The following ARHGAP6 variants were observed in gnomAD, a reference collection of about 807,000 sequenced individuals.
The protein encoded by ARHGAP6 is rho GTPase-activating protein 6.
Under a neutral mutation model 55.7 loss-of-function variants are expected in ARHGAP6, and 16 were observed. The observed-to-expected ratio is 0.29, with a 90% confidence interval of 0.19 to 0.44. The LOEUF (loss-of-function observed/expected upper bound fraction) is 0.44. ARHGAP6 is among the 20% of genes least tolerant of loss of function. The pLI is 1.00. For synonymous variants in ARHGAP6, 382 were observed against 360.9 expected, an observed-to-expected ratio of 1.06 and a Z score of -0.66; for missense variants, 698 against 808.9, an observed-to-expected ratio of 0.86 and a Z score of 1.66.
intron 1 of ARHGAP6, among the ~76,000 whole-genome samples, chrX:11,483,258 G>T (rs767267904): frequency 2.7e-5 from 3 of 111,888 alleles, no homozygotes; most frequent in Non-Finnish European, 5.6e-5. Context: ...TTCAGGAAAA[G>T]CTGTCCCTTC....
intron 1 of ARHGAP6, among the ~76,000 whole-genome samples, chrX:11,531,830 G>A (rs1030007103): frequency 2.7e-5 from 3 of 112,336 alleles, no homozygotes; most frequent in South Asian, 3.7e-4. Flanking sequence ...ATGAAGAAAC[G>A]TGGTTTCTCT....
intron 1 of ARHGAP6, among the ~76,000 whole-genome samples, chrX:11,332,912 G>C (rs911572530): frequency 2.7e-5 from 3 of 111,621 alleles, no homozygotes; most frequent in Non-Finnish European, 5.6e-5. Context: ...GATTCCTCTT[G>C]CTACCCCTTT....
chrX:11,466,436 A>C (rs373845463), intron 1 of ARHGAP6, among the ~76,000 whole-genome samples: 6 of 111,127 alleles, frequency 5.4e-5, no homozygotes, highest in African/African-American at 1.6e-4. Flanking sequence ...AAAAAAAAAA[A>C]AACTATTACC....
chrX:11,610,702 A>G (rs900403778), intron 1 of ARHGAP6, among the ~76,000 whole-genome samples: 2 of 112,551 alleles, frequency 1.8e-5, no homozygotes, highest in African/African-American at 6.5e-5. Context: ...TACATATGAT[A>G]AAATTCAGAG....
At chrX:11,597,616 A>C (rs2051917430) in intron 1 of ARHGAP6, among the ~76,000 whole-genome samples, 1 of 112,101 alleles carries the variant, frequency 8.9e-6, no homozygotes, top group Admixed American at 9.5e-5. Flanking sequence ...TATCACTGTT[A>C]ATATAAAAAG....
intron 1 of ARHGAP6, among the ~76,000 whole-genome samples, chrX:11,646,017 A>G (rs997381019): frequency 1.1e-5 from 1 of 91,702 alleles, no homozygotes; most frequent in African/African-American, 3.5e-5. Context: ...GTGAGGTTTG[A>G]CTCACAGTTC....
intron 1 of ARHGAP6, among the ~76,000 whole-genome samples, chrX:11,263,484 C>T (rs2047586935): frequency 8.9e-6 from 1 of 111,819 alleles, no homozygotes; most frequent in Non-Finnish European, 1.9e-5. Context: ...ATTAGAGACA[C>T]CAAAAACTCT....
At chrX:11,331,088 G>T (rs2048557952) in intron 1 of ARHGAP6, among the ~76,000 whole-genome samples, 1 of 111,612 alleles carries the variant, frequency 9.0e-6, no homozygotes. Flanking sequence ...ATACAAATCA[G>T]AACCCCTTTT....
chrX:11,178,151 G>T lies in ARHGAP6; in HGVS notation c.1578C>A (p.Leu526=), dbSNP rs72558042. 2,978 of 1,209,644 alleles carry T rather than the reference G, an allele frequency of 2.5e-3. 50 individuals carry two copies. In the African/African-American group the frequency reaches 0.045, roughly 18 times the overall value. Residue 526 remains leucine (L), a synonymous_variant, in exon 8 of 13, where the codon CTC becomes CTA. Coordinates refer to ENST00000337414, the MANE Select transcript of ARHGAP6 (RefSeq NM_013427.3). Reference sequence around the variant, plus strand: ...CATCGGCATGCCTGGCCACGATGGAGAGGAACTGTAGCAGGCGGTGGAGGG... The same window carrying T: ...CATCGGCATGCCTGGCCACGATGGATAGGAACTGTAGCAGGCGGTGGAGGG... ...CDTLHRLLQF[L]SIVARHADDN... is the part of the protein sequence containing the mutation.
At chrX:11,152,854 ACT>A (rs2045803150) in intron 10 of ARHGAP6, among the ~76,000 whole-genome samples, 1 of 112,000 alleles carries the variant, frequency 8.9e-6, no homozygotes, top group African/African-American at 3.3e-5. Flanking sequence ...CATGCAAGAG[ACT>A]TTAAACAAAA....
chrX:11,362,558 T>C (rs1224290585), intron 1 of ARHGAP6, among the ~76,000 whole-genome samples: 1 of 109,604 alleles, frequency 9.1e-6, no homozygotes, highest in African/African-American at 3.3e-5. Flanking sequence ...TAATGCTAAA[T>C]GACGAGTTAA....
At chrX:11,601,365 G>A (rs766690744) in intron 1 of ARHGAP6, among the ~76,000 whole-genome samples, 2 of 111,113 alleles carry the variant, frequency 1.8e-5, no homozygotes, top group Admixed American at 1.9e-4. Flanking sequence ...TGGAGAGAGG[G>A]GATGGAATCA....
intron 4 of ARHGAP6, among the ~76,000 whole-genome samples, chrX:11,188,329 A>C (rs894939649): frequency 1.8e-5 from 2 of 112,375 alleles, no homozygotes; most frequent in African/African-American, 6.5e-5. Context: ...CCGCCAATTC[A>C]TTTGGCCAGG....
chrX:11,453,731 C>G (rs1236490406), intron 1 of ARHGAP6, among the ~76,000 whole-genome samples: 1 of 111,721 alleles, frequency 9.0e-6, no homozygotes, highest in African/African-American at 3.3e-5. Flanking sequence ...AAAAGCCTAT[C>G]AATCCACTTG....
At chrX:11,642,421 A>T (rs764056138) in intron 1 of ARHGAP6, among the ~76,000 whole-genome samples, 1 of 112,205 alleles carries the variant, frequency 8.9e-6, no homozygotes, top group East Asian at 2.8e-4. Flanking sequence ...TGGACTCAGA[A>T]ATTCCAATGC....
intron 1 of ARHGAP6, among the ~76,000 whole-genome samples, chrX:11,323,866 C>CCA (rs1201762850): frequency 5.0e-5 from 2 of 40,299 alleles, no homozygotes; most frequent in African/African-American, 2.1e-4. Context: ...ACCCCCATTT[C>CCA]AAAAAAAAAA....
chrX:11,249,190 A>T (rs1232493305), intron 2 of ARHGAP6, among the ~76,000 whole-genome samples: 1 of 111,810 alleles, frequency 8.9e-6, no homozygotes, highest in Non-Finnish European at 1.9e-5. Flanking sequence ...TAGACATTGT[A>T]TGTTCTCACT....
intron 1 of ARHGAP6, among the ~76,000 whole-genome samples, chrX:11,511,221 A>T (rs182218514): frequency 4.6e-4 from 52 of 112,135 alleles, no homozygotes; most frequent in African/African-American, 1.5e-3. Context: ...ATTGCCAGGG[A>T]TTCTTGAGTA....
intron 1 of ARHGAP6, among the ~76,000 whole-genome samples, chrX:11,662,333 A>G (rs1002671677): frequency 8.9e-6 from 1 of 112,004 alleles, no homozygotes; most frequent in Non-Finnish European, 1.9e-5. Flanking sequence ...TTATTAAACA[A>G]AACCAGGGTT....
Sources: gnomAD v4.1 joint callset for allele counts (sites outside exome capture counted in the v4.1 genomes callset) on GRCh38, gnomAD v4.1.1 for gene constraint, MANE v1.5 for transcripts, NCBI Gene and HGNC (gene_info 2026-07-23, HGNC 2026-07-21) for gene names.